The following CYLC1 variants were observed in gnomAD, a reference collection of about 807,000 sequenced individuals.
The protein encoded by CYLC1 is cylicin-1.
A neutral mutation model predicts 31.6 loss-of-function variants in CYLC1; 2 were observed. That is an observed-to-expected ratio of 0.06 (90% CI 0.03 to 0.20). The LOEUF (loss-of-function observed/expected upper bound fraction) is 0.20. Ranked by LOEUF, CYLC1 falls within the 10% of genes least tolerant of loss-of-function variation. The pLI is 1.00. For synonymous variants in CYLC1, 185 were observed against 153.0 expected (o/e 1.21, Z -1.54); for missense variants, 595 against 424.1 (o/e 1.40, Z -3.54).
chrX:83,883,896 T>A (rs191928478), intron 4 of CYLC1, among the ~76,000 whole-genome samples: 101 of 111,918 alleles, frequency 9.0e-4, no homozygotes, highest in South Asian at 7.8e-3. Context: ...TTCATAAATT[T>A]TTTATTCATA....
In CYLC1 at chrX:83,874,245, G is replaced by A; in HGVS notation, c.1537G>A (p.Ala513Thr). Residue 513 changes from alanine to threonine, a missense_variant, in exon 4 of 5, where the codon GCA (alanine) becomes ACA (threonine). Coordinates refer to ENST00000329312, the MANE Select transcript of CYLC1 (RefSeq NM_021118.3). ...TTCAAAGAAAGATATCAAGAAGGATGCAAGAAAGGACACAGAGTCTACTGA... is the reference window on the plus strand; with the variant it reads ...TTCAAAGAAAGATATCAAGAAGGATACAAGAAAGGACACAGAGTCTACTGA... ...KGSKKDIKKDARKDTESTDAE... is the reference protein window; with the variant it reads ...KGSKKDIKKDTRKDTESTDAE... 2 of 1,208,409 alleles carry A rather than the reference G, an allele frequency of 1.7e-6. No homozygotes were observed. The highest frequency in any genetic ancestry group is 3.5e-5 in the African/African-American group (2 of 57,595).
chrX:83,885,986 A>T (rs1338633691), intron 4 of CYLC1, among the ~76,000 whole-genome samples: 2 of 110,428 alleles, frequency 1.8e-5, no homozygotes, highest in African/African-American at 3.3e-5. Flanking sequence ...TTGTACTATA[A>T]GGCTAAGAGA....
Position 83,869,903 on chromosome X carries a change from C to A in CYLC1, c.56C>A (p.Pro19Gln). ...ATCAGAACATATGATAATTCCATTC[C>A]AAGTAAGAATTTAGTTAATGAAGTT... ...VNIRTYDNSI[P>Q]ISESSRKSWN... Residue 19 changes from proline to glutamine, a missense_variant and splice_region_variant, in exon 2 of 5, where the codon CCA (proline) becomes CAA (glutamine). Physicochemically the swap from Pro to Gln is moderately conservative, Grantham distance 76. Transcript: ENST00000329312. The A allele has an allele frequency of 1.2e-6, 1 of 820,032 alleles. No individual in the cohort carries two copies. The highest frequency in any genetic ancestry group is 4.6e-5 in the Admixed American group (1 of 21,702). The allele number at this position is 820,032 out of a possible 1,213,427, so 67.6% of individuals were successfully genotyped here.
At chrX:83,877,484 T>C (rs947448388) in intron 4 of CYLC1, among the ~76,000 whole-genome samples, 2 of 110,694 alleles carry the variant, frequency 1.8e-5, no homozygotes, top group African/African-American at 6.5e-5. Context: ...ACCATAATCA[T>C]GTAGCACTTC....
chrX:83,872,925 G>T lies in CYLC1; in HGVS notation c.217G>T (p.Ala73Ser). The change falls in exon 4 of 5, where the codon GCT becomes TCT. Residue 73 changes from alanine to serine, a missense_variant. By Grantham distance (99) the Ala-to-Ser change is moderately conservative (BLOSUM62 1). Coordinates refer to ENST00000329312, the MANE Select transcript of CYLC1 (RefSeq NM_021118.3). Reference protein sequence around the residue: ...KRKLEEGQKPAHKWIRHSFRK... With the variant: ...KRKLEEGQKPSHKWIRHSFRK... Reference sequence around the variant, plus strand: ...AAAACTAGAAGAAGGCCAGAAACCAGCTCATAAATGGATAAGGCATTCTTT... The same window carrying T: ...AAAACTAGAAGAAGGCCAGAAACCATCTCATAAATGGATAAGGCATTCTTT... The T allele has an allele frequency of 8.4e-7, 1 of 1,187,897 alleles. No individual in the cohort carries two copies. Among genetic ancestry groups the T allele is most frequent in the Non-Finnish European group, 1.1e-6 (1 of 887,456 alleles).
intron 4 of CYLC1, among the ~76,000 whole-genome samples, chrX:83,879,545 G>C (rs1375823579): frequency 8.9e-6 from 1 of 111,743 alleles, no homozygotes; most frequent in Non-Finnish European, 1.9e-5. Flanking sequence ...AGAATTTTGT[G>C]TCAATACCAT....
At chrX:83,876,330 T>G (rs764978485) in intron 4 of CYLC1, among the ~76,000 whole-genome samples, 1 of 110,434 alleles carries the variant, frequency 9.1e-6, no homozygotes, top group South Asian at 3.8e-4. Flanking sequence ...AGTGTGACAA[T>G]ACTTATAAGA....
intron 4 of CYLC1, among the ~76,000 whole-genome samples, chrX:83,878,846 C>T (rs2031868853): frequency 9.6e-6 from 1 of 104,068 alleles, no homozygotes; most frequent in Non-Finnish European, 2.0e-5. Context: ...ATGGAGTTTT[C>T]TCCTTCCTTT....
chrX:83,877,532 T>C (rs1233519201), intron 4 of CYLC1, among the ~76,000 whole-genome samples: 3 of 110,741 alleles, frequency 2.7e-5, no homozygotes, highest in East Asian at 5.7e-4. Context: ...ACTGGCATTC[T>C]TTTTGTTTCT....
chrX:83,874,034 G>C lies in CYLC1; in HGVS notation c.1326G>C (p.Glu442Asp). The stretch of plus-strand genomic sequence containing the variant: ...AAAAGTCTGTCAAGAATGATGAAGA[G>C]TCTACTGATGCTGACTCTGAACCGA... ...DNKKSVKNDE[E>D]STDADSEPKG... The change falls in exon 4 of 5, where the codon GAG (glutamate) becomes GAC (aspartate). Residue 442 changes from glutamate (E) to aspartate (D), a missense_variant. By Grantham distance (45) the Glu-to-Asp change is conservative. Transcript: ENST00000329312. 8.3e-7 allele frequency: 1 copy of C among 1,201,932 alleles called. No individual in the cohort carries two copies. Among genetic ancestry groups the C allele is most frequent in the Non-Finnish European group, 1.1e-6 (1 of 890,278 alleles).
chrX:83,885,782 T>C (rs932646953), intron 4 of CYLC1, among the ~76,000 whole-genome samples: 2 of 109,897 alleles, frequency 1.8e-5, no homozygotes, highest in African/African-American at 6.5e-5. Context: ...AAGAGCATGA[T>C]TGCAATACTG....
intron 4 of CYLC1, 36 bp downstream of exon 4, chrX:83,874,667 G>C (rs777409790): frequency 1.8e-6 from 2 of 1,110,095 alleles, no homozygotes; most frequent in Admixed American, 6.3e-5. Context: ...AGGCTGAAAT[G>C]GATATAAAAT....
chrX:83,864,813 C>T (rs2031570296), intron 1 of CYLC1: 1 of 229,182 alleles, frequency 4.4e-6, no homozygotes, highest in South Asian at 5.1e-5. Flanking sequence ...AAATATTCTT[C>T]TCTTGGTTAT....
Position 83,874,490 on chromosome X carries a change from A to G in CYLC1, c.1782A>G (p.Lys594=). ...CTACATTCAATGAAAAAGGGGAAAA[A>G]GCAAGTACAGGTAGAGTTCCTCCAT... The part of the protein sequence containing the change: ...KKTTFNEKGE[K]ASTGRVPPSR... The change falls in exon 4 of 5, where the codon AAA becomes AAG. Residue 594 remains lysine, a synonymous_variant. Coordinates refer to ENST00000329312, the MANE Select transcript of CYLC1 (RefSeq NM_021118.3). 1.7e-6 allele frequency: 2 copies of G among 1,209,861 alleles called. No individual in the cohort carries two copies. Among genetic ancestry groups the G allele is most frequent in the Non-Finnish European group, 2.2e-6 (2 of 894,609 alleles).
At chrX:83,864,624 A>T (rs747966557) in intron 1 of CYLC1, 1 of 246,898 alleles carries the variant, frequency 4.1e-6, no homozygotes, top group Non-Finnish European at 7.4e-6. Flanking sequence ...ACAAAAGGAG[A>T]GTTGGCAAAA....
intron 4 of CYLC1, among the ~76,000 whole-genome samples, chrX:83,879,280 T>C (rs2031876545): frequency 1.8e-5 from 2 of 110,792 alleles, no homozygotes; most frequent in African/African-American, 6.6e-5. Flanking sequence ...TCTCATCTTC[T>C]AGAGGTAAAC....
Position 83,873,189 on chromosome X carries a change from A to G in CYLC1, c.481A>G (p.Thr161Ala). The G allele has an allele frequency of 8.3e-7, 1 of 1,205,819 alleles. No individual in the cohort carries two copies. The highest frequency in any genetic ancestry group is 1.1e-6 in the Non-Finnish European group (1 of 892,662). The change falls in exon 4 of 5, where the codon ACT becomes GCT. Residue 161 changes from threonine to alanine, a missense_variant. Transcript: ENST00000329312. ...TAAAAGACAAAATGAGGCAGATAAA[A>G]CTCCCTTAAAATCATCACATGAAAA... ...KTKRQNEADK[T>A]PLKSSHENEQ...
At chrX:83,862,375 C>CAAAA (rs754165765) in intron 1 of CYLC1, among the ~76,000 whole-genome samples, 1 of 58,856 alleles carries the variant, frequency 1.7e-5, no homozygotes, top group Non-Finnish European at 3.6e-5. Flanking sequence ...ACTAAAAATA[C>CAAAA]AAAAAAAAAA....
At chrX:83,865,549 C>T (rs903329293) in intron 1 of CYLC1, among the ~76,000 whole-genome samples, 9 of 111,643 alleles carry the variant, frequency 8.1e-5, no homozygotes. Flanking sequence ...AATTTAATCT[C>T]TTACATTTCT....
Sources: allele counts gnomAD v4.1 joint callset (sites outside exome capture counted in the v4.1 genomes callset), GRCh38; gene constraint gnomAD v4.1.1; transcripts MANE v1.5; gene names NCBI Gene and HGNC (gene_info 2026-07-23, HGNC 2026-07-21).